CCDC82: variants seen among roughly 807,000 people sequenced by gnomAD.
The protein encoded by CCDC82 is coiled-coil domain-containing protein 82.
A neutral mutation model predicts 60.6 loss-of-function variants in CCDC82; 47 were observed. The ratio of observed to expected loss-of-function variants is 0.77; its 90% CI spans 0.61 to 0.99. The LOEUF (loss-of-function observed/expected upper bound fraction) is 0.99. CCDC82 is among the 50% of genes least tolerant of loss of function. The pLI is 0.00. For missense variants in CCDC82, 588 were observed against 633.0 expected, an observed-to-expected ratio of 0.93 and a Z score of 0.76; for synonymous variants, 212 against 207.4, an observed-to-expected ratio of 1.02 and a Z score of -0.19.
At chr11:96,359,990 T>C (rs1864556932) in intron 8 of CCDC82, among the ~76,000 whole-genome samples, 2 of 151,204 alleles carry the variant, frequency 1.3e-5, no homozygotes, top group Non-Finnish European at 2.9e-5. Flanking sequence ...AAGAACTCTT[T>C]TTATGAAATC....
intron 8 of CCDC82, among the ~76,000 whole-genome samples, chr11:96,360,536 G>GCAT (rs1204326372): frequency 6.6e-6 from 1 of 152,052 alleles, no homozygotes; most frequent in Non-Finnish European, 1.5e-5. Flanking sequence ...TGTAGAAAAT[G>GCAT]CATCAGAAAG....
rs1864152992 is a variant in CCDC82 at position 96,352,822 on chromosome 11, T to C, written c.*824A>G. Reference sequence around the variant, plus strand: ...ATTACTTTATGGGAAAATTTAGATATGCAAAGCAATGCAGATACCAAAATA... The same window carrying C: ...ATTACTTTATGGGAAAATTTAGATACGCAAAGCAATGCAGATACCAAAATA... On this transcript the variant is annotated 3_prime_UTR_variant, in exon 10 of 10. Transcript: ENST00000646818. 6.6e-6 allele frequency: 1 copy of C among 152,256 alleles called. No homozygotes were observed. Among genetic ancestry groups the C allele is most frequent in the Non-Finnish European group, 1.5e-5 (1 of 68,050 alleles). The allele number at this position is 152,256 out of a possible 1,614,324, so 9.4% of individuals were successfully genotyped here.
intron 6 of CCDC82, among the ~76,000 whole-genome samples, chr11:96,372,571 T>C (rs1865328163): frequency 6.7e-6 from 1 of 149,608 alleles, no homozygotes; most frequent in African/African-American, 2.4e-5. Context: ...ACACAATATA[T>C]TTATAGTCTA....
At chr11:96,361,428 C>G (rs1864655756) in intron 8 of CCDC82, among the ~76,000 whole-genome samples, 1 of 151,496 alleles carries the variant, frequency 6.6e-6, no homozygotes, top group South Asian at 2.1e-4. Flanking sequence ...TAATTCCTAC[C>G]CCTCTTGGCA....
chr11:96,361,079 A>C (rs1399358297), intron 8 of CCDC82, among the ~76,000 whole-genome samples: 1 of 152,244 alleles, frequency 6.6e-6, no homozygotes, highest in Admixed American at 6.5e-5. Context: ...TCAGCAATTC[A>C]CTTGCTAATA....
chr11:96,368,865 CA>C (rs71040144), intron 7 of CCDC82, among the ~76,000 whole-genome samples: 9 of 142,260 alleles, frequency 6.3e-5, no homozygotes, highest in Non-Finnish European at 4.6e-5. Context: ...GACTCCGTCT[CA>C]AAAAAAAAAA....
chr11:96,367,299 T>C (rs1864999372), intron 7 of CCDC82, among the ~76,000 whole-genome samples: 1 of 152,258 alleles, frequency 6.6e-6, no homozygotes, highest in Non-Finnish European at 1.5e-5. Flanking sequence ...GTATATTTGA[T>C]TGTATGTTAT....
rs199813886 is a variant in CCDC82 at position 96,384,122 on chromosome 11, C to T, written c.626G>A (p.Arg209His). ...TTCATCTTCAACCACTCTACGGGGA[C>T]GTTTAACACCTACTTTTCTAACTAG... ...DILVRKVGVK[R>H]PRRVVEDEGS... Residue 209 changes from arginine to histidine, a missense_variant, in exon 4 of 10, where the codon CGT becomes CAT. Transcript: ENST00000646818. 6.8e-6 allele frequency: 11 copies of T among 1,613,610 alleles called. No homozygotes were observed. Among genetic ancestry groups the T allele is most frequent in the African/African-American group, 4.0e-5 (3 of 74,902 alleles).
At chr11:96,361,958 T>C (rs746837433) in intron 8 of CCDC82, among the ~76,000 whole-genome samples, 1 of 152,228 alleles carries the variant, frequency 6.6e-6, no homozygotes, top group Non-Finnish European at 1.5e-5. Flanking sequence ...TGGCCCACTA[T>C]GCACGGTTAA....
In CCDC82 at chr11:96,384,606, C is replaced by A. The variant is rs1360941917; in HGVS notation, c.142G>T (p.Glu48Ter). The A allele has an allele frequency of 1.2e-6, 2 of 1,613,526 alleles. No individual in the cohort carries two copies. Among genetic ancestry groups the A allele is most frequent in the Non-Finnish European group, 1.7e-6 (2 of 1,179,630 alleles). ...LDSDEELDSEEFDSDEELDSD... is the reference protein window; with the variant it reads ...LDSDEELDSE ...TCAAGCTCTTCATCACTATCAAATT[C>A]TTCACTATCAAGCTCTTCATCACTA... Residue 48 changes from glutamate to a stop codon, truncating the protein, a stop_gained, in exon 4 of 10, where the codon GAA becomes TAA. Transcript: ENST00000646818. LOFTEE classifies it high-confidence loss of function.
Position 96,353,637 on chromosome 11 carries a change from G to T in CCDC82, c.*9C>A. On this transcript the variant is annotated 3_prime_UTR_variant, in exon 10 of 10. Coordinates refer to ENST00000646818, the MANE Select transcript of CCDC82 (RefSeq NM_024725.4). ...AGGAATTTAAAAAATCTTCTCTGAT[G>T]GAAATGTGTTACAACTCAAACTTCT... The T allele has an allele frequency of 6.3e-7, 1 of 1,589,290 alleles. No individual in the cohort carries two copies. Among genetic ancestry groups the T allele is most frequent in the Non-Finnish European group, 8.6e-7 (1 of 1,160,050 alleles).
chr11:96,365,740 G>A (rs529074364), intron 7 of CCDC82, among the ~76,000 whole-genome samples: 4 of 152,124 alleles, frequency 2.6e-5, no homozygotes, highest in Non-Finnish European at 4.4e-5. Flanking sequence ...GAAAACACTT[G>A]GCATTCATAA....
intron 6 of CCDC82, among the ~76,000 whole-genome samples, chr11:96,372,290 TAA>T (rs1865315175): frequency 6.6e-6 from 1 of 152,162 alleles, no homozygotes; most frequent in Non-Finnish European, 1.5e-5. Context: ...GCAGATAACA[TAA>T]ACTTTACCTT....
chr11:96,383,495 C>G, intron 4 of CCDC82, 22 bp from the exon 5 acceptor site: 1 of 1,489,384 alleles, frequency 6.7e-7, no homozygotes. Flanking sequence ...AAAATAAATG[C>G]TTCAGTAAAT....
At chr11:96,358,666 C>CAAAAAAAAAAAAAA (rs58477850) in intron 9 of CCDC82, 1 of 999,564 alleles carries the variant, frequency 1.0e-6, no homozygotes, top group Non-Finnish European at 1.3e-6. Flanking sequence ...TATACTCTGT[C>CAAAAAAAAAAAAAA]AAAAAAAAAA....
chr11:96,353,461 AG>A lies in CCDC82; in HGVS notation c.*184del. ...TTAAGATAATGCTTTTATGTACATC[AG>A]ATAAAAGTTTAATTAGAGTGTAGAG... is the stretch of plus-strand genomic sequence containing the variant. On this transcript the variant is annotated 3_prime_UTR_variant, in exon 10 of 10. Transcript: ENST00000646818. The A allele has an allele frequency of 1.9e-6, 1 of 539,238 alleles. No individual in the cohort carries two copies. The highest frequency in any genetic ancestry group is 3.3e-6 in the Non-Finnish European group (1 of 306,260). 33.4% of individuals were successfully genotyped at this position (539,238 alleles called of 1,614,324 possible).
At chr11:96,380,682 T>G (rs1039688363) in intron 5 of CCDC82, 2 of 151,734 alleles carry the variant, frequency 1.3e-5, no homozygotes, top group Admixed American at 1.3e-4. Context: ...TAAGCCACAT[T>G]TAGACATGGA....
chr11:96,373,815 G>C (rs924959050), intron 5 of CCDC82, among the ~76,000 whole-genome samples: 3 of 152,154 alleles, frequency 2.0e-5, no homozygotes, highest in Non-Finnish European at 2.9e-5. Flanking sequence ...CAGAACAAGA[G>C]AGAAAACCTC....
At chr11:96,360,923 T>C (rs144237904) in intron 8 of CCDC82, among the ~76,000 whole-genome samples, 1 of 152,252 alleles carries the variant, frequency 6.6e-6, no homozygotes, top group African/African-American at 2.4e-5. Context: ...AAGAAAAGCA[T>C]GTTCAGATTT....
Sources: gnomAD v4.1 joint callset for allele counts (sites outside exome capture counted in the v4.1 genomes callset) on GRCh38, gnomAD v4.1.1 for gene constraint, MANE v1.5 for transcripts, NCBI Gene and HGNC (gene_info 2026-07-23, HGNC 2026-07-21) for gene names.